TENM4: variants seen among roughly 807,000 people sequenced by gnomAD.
TENM4 encodes teneurin transmembrane protein 4.
Under a neutral mutation model 243.3 loss-of-function variants are expected in TENM4, and 82 were observed. That is an observed-to-expected ratio of 0.34 (90% CI 0.28 to 0.40). TENM4 has a LOEUF of 0.40. Among genes scored for constraint, TENM4 ranks in the 10% least tolerant of loss-of-function variants. The probability of loss-of-function intolerance (pLI) is 1.00; values close to 1 mark genes in which losing one functional copy is unlikely to be tolerated. For synonymous variants in TENM4, 1,412 were observed against 1,456.3 expected (o/e 0.97, Z 0.69); for missense variants, 3,138 against 3,673.3 (o/e 0.85, Z 3.77).
At chr11:78,665,287 T>C (rs1243049650) in intron 32 of TENM4, among the ~76,000 whole-genome samples, 3 of 151,996 alleles carry the variant, frequency 2.0e-5, no homozygotes, top group Non-Finnish European at 4.4e-5. Flanking sequence ...CTTTCTTTCC[T>C]TTTTTTGACA....
intron 6 of TENM4, among the ~76,000 whole-genome samples, chr11:78,956,233 G>A (rs922231540): frequency 1.3e-5 from 2 of 152,164 alleles, no homozygotes; most frequent in Non-Finnish European, 1.5e-5. Context: ...CTACCTCTAG[G>A]AACTGGGAGT....
intron 4 of TENM4, among the ~76,000 whole-genome samples, chr11:79,136,299 C>G (rs753317778): frequency 6.6e-6 from 1 of 152,072 alleles, no homozygotes; most frequent in Non-Finnish European, 1.5e-5. Flanking sequence ...AATGGGTGAC[C>G]TCAGCAGAGG....
chr11:79,406,158 T>C (rs1858568032), intron 1 of TENM4, among the ~76,000 whole-genome samples: 1 of 152,218 alleles, frequency 6.6e-6, no homozygotes, highest in African/African-American at 2.4e-5. Flanking sequence ...CGAGACTTGC[T>C]GACAGTCATT....
Position 79,005,797 on chromosome 11 carries a change from G to A in TENM4, c.493+58941C>T, listed in dbSNP as rs559702235. On this transcript the variant is annotated intron_variant, in intron 6 of 33. Transcript: ENST00000278550. The stretch of plus-strand genomic sequence containing the variant: ...AGGCATACAAAGAGGAAGACAGCAA[G>A]TCAAACTATCCTTGTTTTCAGATAA... 3.1e-4 allele frequency among the ~76,000 whole-genome samples: 47 copies of A among 152,278 alleles called. 1 individual carries two copies. In the South Asian group the frequency reaches 9.8e-3, roughly 32 times the overall value.
At chr11:79,117,845 A>G (rs1046507292) in intron 4 of TENM4, among the ~76,000 whole-genome samples, 2 of 152,216 alleles carry the variant, frequency 1.3e-5, no homozygotes, top group African/African-American at 4.8e-5. Flanking sequence ...TGAAGGTTGA[A>G]TGGAATAACT....
intron 12 of TENM4, among the ~76,000 whole-genome samples, chr11:78,851,567 C>G (rs374827603): frequency 7.9e-5 from 12 of 152,196 alleles, no homozygotes; most frequent in Admixed American, 2.6e-4. Flanking sequence ...TGTAAAAGCA[C>G]TTAGTTTTGA....
chr11:79,288,565 C>T (rs776438661), intron 2 of TENM4, among the ~76,000 whole-genome samples: 13 of 152,276 alleles, frequency 8.5e-5, no homozygotes, highest in South Asian at 4.1e-4. Flanking sequence ...TTCAAAGGTA[C>T]GGAAGAAAGA....
rs1858291686 is a variant in TENM4, at chr11:78,670,391, T to C, written c.5954A>G (p.Asn1985Ser). The change falls in exon 32 of 34, where the codon AAT (asparagine) becomes AGT (serine). Residue 1985 changes from asparagine to serine, a missense_variant. Transcript: ENST00000278550. ...YRNIYQPPEGNASVIQDFTED... is the reference protein window; with the variant it reads ...YRNIYQPPEGSASVIQDFTED... ...AGTGAAGTCCTGTATGACTGAGGCA[T>C]TGCCCTCAGGGGGCTGATAGATGTT... The C allele has an allele frequency of 1.2e-6, 2 of 1,613,950 alleles. No individual in the cohort carries two copies. Among genetic ancestry groups the C allele is most frequent in the Non-Finnish European group, 1.7e-6 (2 of 1,179,858 alleles).
At chr11:79,303,175 C>T (rs1408876680) in intron 1 of TENM4, among the ~76,000 whole-genome samples, 4 of 152,164 alleles carry the variant, frequency 2.6e-5, no homozygotes, top group Non-Finnish European at 4.4e-5. Flanking sequence ...ATTTAAGCAT[C>T]CCTCTATATA....
At chr11:78,781,891 C>G (rs954332065) in intron 16 of TENM4, among the ~76,000 whole-genome samples, 5 of 152,188 alleles carry the variant, frequency 3.3e-5, no homozygotes, top group African/African-American at 9.7e-5. Context: ...AAATTCAAAG[C>G]CAGATTCCCA....
Position 79,215,824 on chromosome 11 carries a change from A to G in TENM4, c.-179T>C, listed in dbSNP as rs1864042484. 4 of 985,676 alleles carry G rather than the reference A, an allele frequency of 4.1e-6. No homozygotes were observed. Among genetic ancestry groups the G allele is most frequent in the African/African-American group, 1.7e-5 (1 of 57,234 alleles). The allele number at this position is 985,676 out of a possible 1,614,324, so 61.1% of individuals were successfully genotyped here. On this transcript the variant is annotated 5_prime_UTR_variant, in exon 3 of 34. Transcript: ENST00000278550. ...GGGACTGACCTGGCTCCATGTCAGC[A>G]CGTTCTGAAGAGTCAGCAATGTCCG...
At chr11:79,090,470 G>A (rs1860918699) in intron 4 of TENM4, among the ~76,000 whole-genome samples, 1 of 152,226 alleles carries the variant, frequency 6.6e-6, no homozygotes, top group Non-Finnish European at 1.5e-5. Context: ...GAAGAGGGCT[G>A]CACTGTTGAG....
chr11:78,785,431 A>T (rs1175668476), intron 16 of TENM4, among the ~76,000 whole-genome samples: 1 of 152,174 alleles, frequency 6.6e-6, no homozygotes. Flanking sequence ...CAGATGCCTC[A>T]GTGGAAAACC....
rs893602005 is a variant in TENM4, at chr11:78,989,687, G to A, written c.493+75051C>T. On this transcript the variant is annotated intron_variant, in intron 6 of 33. Coordinates refer to ENST00000278550, the MANE Select transcript of TENM4 (RefSeq NM_001098816.3). The stretch of plus-strand genomic sequence containing the variant: ...CATTCCTTTCGTCCCAGGTAGAGCC[G>A]TCCCTGGATGCTCCCTCTCTTCGGA... 7.2e-5 allele frequency among the ~76,000 whole-genome samples: 11 copies of A among 152,122 alleles called. No homozygotes were observed. The South Asian group carries it at 8.3e-4, about 11-fold the overall frequency.
intron 1 of TENM4, among the ~76,000 whole-genome samples, chr11:79,336,007 T>G (rs950129265): frequency 1.3e-5 from 2 of 152,180 alleles, no homozygotes; most frequent in Admixed American, 1.3e-4. Flanking sequence ...CTGAGCAGTG[T>G]GCTAGATGCT....
At chr11:78,786,173 G>C (rs1300635353) in intron 16 of TENM4, among the ~76,000 whole-genome samples, 4 of 152,260 alleles carry the variant, frequency 2.6e-5, no homozygotes, top group Non-Finnish European at 4.4e-5. Context: ...GAAGTGATCA[G>C]CTTGTTTTCA....
intron 20 of TENM4, among the ~76,000 whole-genome samples, chr11:78,735,838 A>ACCTCT (rs1555073011): frequency 7.6e-6 from 1 of 131,836 alleles, no homozygotes; most frequent in Non-Finnish European, 1.6e-5. Context: ...CTTGGCTCCC[A>ACCTCT]CCCCTCCCCT....
intron 26 of TENM4, among the ~76,000 whole-genome samples, chr11:78,710,725 C>T (rs761826415): frequency 1.3e-5 from 2 of 152,148 alleles, no homozygotes; most frequent in South Asian, 2.1e-4. Context: ...GTTAAATAGA[C>T]GGACATCTTT....
intron 1 of TENM4, among the ~76,000 whole-genome samples, chr11:79,381,219 G>C (rs2135525110): frequency 6.6e-6 from 1 of 152,026 alleles, no homozygotes; most frequent in East Asian, 1.9e-4. Flanking sequence ...GGCTTCTCAA[G>C]TGGTCAATCA....
Sources: allele counts gnomAD v4.1 joint callset (sites outside exome capture counted in the v4.1 genomes callset), GRCh38; gene constraint gnomAD v4.1.1; transcripts MANE v1.5; gene names NCBI Gene and HGNC (gene_info 2026-07-23, HGNC 2026-07-21).